SLC45A2: variants seen among roughly 807,000 people sequenced by gnomAD.
SLC45A2 encodes the protein membrane-associated transporter protein.
Under a neutral mutation model 45.5 loss-of-function variants are expected in SLC45A2, and 36 were observed. That is an observed-to-expected ratio of 0.79 (90% CI 0.61 to 1.04). The LOEUF (loss-of-function observed/expected upper bound fraction) is 1.04. SLC45A2 is among the 50% of genes least tolerant of loss of function. SLC45A2 has a pLI of 0.00. For missense variants in SLC45A2, 719 were observed against 671.0 expected (o/e 1.07, Z -0.79); for synonymous variants, 306 against 269.3 (o/e 1.14, Z -1.33).
Position 33,944,624 on chromosome 5 carries a change from T to A in SLC45A2, c.*24A>T. 6.2e-7 allele frequency: 1 copy of A among 1,611,264 alleles called. No individual in the cohort carries two copies. ...CCATGTGCTTCACTGTCTCTGAGGT[T>A]AGGGTCATTGTCTCTTTATTGACCT... is the stretch of plus-strand genomic sequence containing the variant. On this transcript the variant is annotated 3_prime_UTR_variant, in exon 7 of 7. Transcript: ENST00000296589.
intron 4 of SLC45A2, among the ~76,000 whole-genome samples, chr5:33,952,057 T>C (rs552344320): frequency 4.6e-5 from 7 of 152,276 alleles, no homozygotes; most frequent in South Asian, 2.1e-4. Flanking sequence ...CTCTCTAATA[T>C]TCCTCTAACT....
chr5:33,951,770 G>A, intron 4 of SLC45A2, 93 bp from the exon 5 acceptor site: 1 of 1,529,266 alleles, frequency 6.5e-7, no homozygotes, highest in Non-Finnish European at 9.1e-7. Flanking sequence ...GGGAGCAAAT[G>A]TCCCTGCCTG....
At chr5:33,968,123 A>G (rs73077137) in intron 2 of SLC45A2, among the ~76,000 whole-genome samples, 1 of 152,150 alleles carries the variant, frequency 6.6e-6, no homozygotes, top group Non-Finnish European at 1.5e-5. Flanking sequence ...ACTGGAAAAA[A>G]ATATTTAAAC....
Position 33,951,626 on chromosome 5 carries a change from T to C in SLC45A2, c.1084A>G (p.Ile362Val), listed in dbSNP as rs1029527911. 1 of 1,614,002 alleles carries C rather than the reference T, an allele frequency of 6.2e-7. No homozygotes were observed. Among genetic ancestry groups the C allele is most frequent in the African/African-American group, 1.3e-5 (1 of 74,924 alleles). ...YSAHNSTEFL[I>V]YERGVEVGCW... ...CCAACCTCGACTCCTCTTTCGTAGA[T>C]GAGAAACTCTGTGGAGTTGTGTGCA... The change falls in exon 5 of 7, where the codon ATC becomes GTC. Residue 362 changes from isoleucine to valine, a missense_variant. Ile to Val is a conservative substitution (Grantham distance 29). Transcript: ENST00000296589.
intron 3 of SLC45A2, among the ~76,000 whole-genome samples, chr5:33,962,009 T>G (rs762030298): frequency 1.6e-4 from 24 of 152,218 alleles, no homozygotes; most frequent in Non-Finnish European, 1.2e-4. Flanking sequence ...TCACAGGTGT[T>G]TGACTTGCAT....
chr5:33,965,278 C>T (rs1313828963), intron 2 of SLC45A2, among the ~76,000 whole-genome samples: 2 of 152,190 alleles, frequency 1.3e-5, no homozygotes, highest in African/African-American at 2.4e-5. Context: ...TCTAAAGTTA[C>T]ATAAACTCTG....
chr5:33,968,551 T>G (rs1421373524), intron 2 of SLC45A2, among the ~76,000 whole-genome samples: 2 of 152,222 alleles, frequency 1.3e-5, no homozygotes, highest in East Asian at 3.8e-4. Flanking sequence ...AGAAGACAGA[T>G]GTCATATTTC....
intron 5 of SLC45A2, among the ~76,000 whole-genome samples, chr5:33,948,395 C>T (rs1162339295): frequency 1.3e-5 from 2 of 152,172 alleles, no homozygotes; most frequent in Non-Finnish European, 1.5e-5. Flanking sequence ...CATTCCTCAT[C>T]TCTTCCCTGC....
At chr5:33,956,791 A>C (rs984667682) in intron 3 of SLC45A2, among the ~76,000 whole-genome samples, 1 of 152,212 alleles carries the variant, frequency 6.6e-6, no homozygotes, top group Non-Finnish European at 1.5e-5. Context: ...AAAAGGCTGC[A>C]TTGACATAGC....
intron 3 of SLC45A2, among the ~76,000 whole-genome samples, chr5:33,960,779 AG>A (rs1461075564): frequency 3.9e-5 from 6 of 152,304 alleles, no homozygotes; most frequent in African/African-American, 1.2e-4. Context: ...TTTTAAAAAA[AG>A]GGCATTAGTA....
At chr5:33,982,479 A>G in intron 1 of SLC45A2, 67 bp from the exon 2 acceptor site, 1 of 1,483,698 alleles carries the variant, frequency 6.7e-7, no homozygotes, top group Non-Finnish European at 9.3e-7. Context: ...TGTAATTTCC[A>G]CCTAAACTTC....
intron 1 of SLC45A2, 107 bp from the exon 2 acceptor site, chr5:33,982,519 T>C: frequency 8.5e-7 from 1 of 1,176,038 alleles, no homozygotes; most frequent in South Asian, 1.4e-5. Context: ...CTTGCTTTTA[T>C]TTTGCTTTTT....
At chr5:33,976,155 T>A (rs371263484) in intron 2 of SLC45A2, among the ~76,000 whole-genome samples, 2 of 152,248 alleles carry the variant, frequency 1.3e-5, no homozygotes, top group South Asian at 2.1e-4. Context: ...CCCTTCCTAA[T>A]CACTCTATTC....
intron 2 of SLC45A2, among the ~76,000 whole-genome samples, chr5:33,979,868 A>G (rs541140444): frequency 6.6e-6 from 1 of 152,272 alleles, no homozygotes; most frequent in East Asian, 1.9e-4. Context: ...TTAGAATTTT[A>G]ATTCTGGTTT....
intron 4 of SLC45A2, among the ~76,000 whole-genome samples, chr5:33,952,691 AATT>A (rs1371782068): frequency 1.3e-3 from 38 of 28,164 alleles, no homozygotes; most frequent in African/African-American, 3.0e-3. Context: ...TTTTTTTTTT[AATT>A]TTTTTTTTTT....
At chr5:33,984,126 G>C in intron 1 of SLC45A2, 73 bp downstream of exon 1, 1 of 1,595,374 alleles carries the variant, frequency 6.3e-7, no homozygotes, top group Non-Finnish European at 8.6e-7. Flanking sequence ...TCAAACACAT[G>C]AACATCCTCC....
chr5:33,957,776 G>A (rs928777322), intron 3 of SLC45A2, among the ~76,000 whole-genome samples: 1 of 152,128 alleles, frequency 6.6e-6, no homozygotes, highest in African/African-American at 2.4e-5. Context: ...TGGTCAGCAA[G>A]TACTCAGCCT....
chr5:33,972,524 A>G, intron 2 of SLC45A2: 1 of 195,444 alleles, frequency 5.1e-6, no homozygotes, highest in Non-Finnish European at 1.1e-5. Flanking sequence ...TATGTTTGCA[A>G]TTCATGCTGA....
chr5:33,965,998 A>C (rs1003982871), intron 2 of SLC45A2, among the ~76,000 whole-genome samples: 2 of 152,194 alleles, frequency 1.3e-5, no homozygotes, highest in Admixed American at 1.3e-4. Context: ...TTGCCATTCA[A>C]TTTCTTATCA....
Sources: gnomAD v4.1 joint callset for allele counts (sites outside exome capture counted in the v4.1 genomes callset) on GRCh38, gnomAD v4.1.1 for gene constraint, MANE v1.5 for transcripts, NCBI Gene and HGNC (gene_info 2026-07-23, HGNC 2026-07-21) for gene names.